The following MEIS1 variants were observed in gnomAD, a reference collection of about 807,000 sequenced individuals.
MEIS1 encodes homeobox protein Meis1.
In MEIS1, 5 loss-of-function variants were observed where a neutral mutation model predicts 50.8. That is an observed-to-expected ratio of 0.10 (90% confidence interval 0.05 to 0.21). The LOEUF (loss-of-function observed/expected upper bound fraction) is 0.21. Among genes scored for constraint, MEIS1 ranks in the 10% least tolerant of loss-of-function variants. MEIS1 has a pLI of 1.00. For missense variants in MEIS1, 318 were observed against 517.3 expected (o/e 0.61, Z 3.74); for synonymous variants, 176 against 179.3 (o/e 0.98, Z 0.15).
chr2:66,458,176 GA>G (rs1450957034), intron 6 of MEIS1, among the ~76,000 whole-genome samples: 1 of 152,034 alleles, frequency 6.6e-6, no homozygotes. Flanking sequence ...TTTTTGGTTC[GA>G]AAAAAATGAT....
At chr2:66,492,003 G>C (rs1673285211) in intron 7 of MEIS1, among the ~76,000 whole-genome samples, 1 of 151,292 alleles carries the variant, frequency 6.6e-6, no homozygotes, top group Non-Finnish European at 1.5e-5. Context: ...TCAATCACTG[G>C]TAGTACAGGG....
At chr2:66,473,397 A>ATATATATATATATATATATATAT (rs1553373465) in intron 7 of MEIS1, among the ~76,000 whole-genome samples, 1 of 107,614 alleles carries the variant, frequency 9.3e-6, no homozygotes, top group African/African-American at 5.8e-5. Context: ...AAAAAAAAAA[A>ATATATATATATATATATATATAT]ATATATATAT....
intron 7 of MEIS1, among the ~76,000 whole-genome samples, chr2:66,494,290 A>G (rs1179556690): frequency 6.6e-6 from 1 of 152,230 alleles, no homozygotes; most frequent in Non-Finnish European, 1.5e-5. Flanking sequence ...GTTTTCTTAT[A>G]ATGAATTCTG....
chr2:66,505,525 A>G (rs1673665989), intron 7 of MEIS1, among the ~76,000 whole-genome samples: 1 of 152,348 alleles, frequency 6.6e-6, no homozygotes, highest in East Asian at 1.9e-4. Context: ...TATATTTAGC[A>G]TCAGATATTT....
intron 6 of MEIS1, chr2:66,461,992 CAATT>C (rs1316019194): frequency 2.4e-6 from 1 of 417,360 alleles, no homozygotes; most frequent in South Asian, 1.9e-5. Flanking sequence ...ATTTACTAAA[CAATT>C]AAGCATTGAA....
At chr2:66,488,378 A>T (rs1213914129) in intron 7 of MEIS1, among the ~76,000 whole-genome samples, 2 of 152,170 alleles carry the variant, frequency 1.3e-5, no homozygotes, top group Non-Finnish European at 2.9e-5. Flanking sequence ...ATATGACTAC[A>T]TCAAATAAAC....
At chr2:66,557,019 T>A (rs1469801656) in intron 9 of MEIS1, among the ~76,000 whole-genome samples, 1 of 152,202 alleles carries the variant, frequency 6.6e-6, no homozygotes, top group Non-Finnish European at 1.5e-5. Context: ...GAATTAAATT[T>A]TGTTTTTAGT....
At chr2:66,548,773 A>G (rs1308987083) in intron 9 of MEIS1, among the ~76,000 whole-genome samples, 3 of 152,222 alleles carry the variant, frequency 2.0e-5, no homozygotes, top group Non-Finnish European at 4.4e-5. Flanking sequence ...GAAATCCAAT[A>G]TCCTCTAAAA....
rs149411668 is a variant in MEIS1, at chr2:66,567,719, A to G, written c.1024+208A>G. On this transcript the variant is annotated intron_variant, in intron 10 of 12. Transcript: ENST00000272369. ...TGGAGAAGGTGGAAAAAAAAAGCCA[A>G]CAGAGAAAAGTAACTCTTAAATAAT... 9.9e-4 allele frequency: 661 copies of G among 668,778 alleles called. 4 individuals are homozygous for G. The African/African-American group carries it at 0.01, about 10-fold the overall frequency. 41.4% of individuals were successfully genotyped at this position (668,778 alleles called of 1,614,324 possible).
intron 7 of MEIS1, among the ~76,000 whole-genome samples, chr2:66,483,037 G>T (rs570343722): frequency 2.4e-4 from 36 of 152,306 alleles, no homozygotes; most frequent in African/African-American, 7.9e-4. Context: ...TTATAGGACT[G>T]CTGAGAACAT....
At chr2:66,567,313 A>G (rs1416412224) in intron 9 of MEIS1, 140 bp from the exon 10 acceptor site, 3 of 837,386 alleles carry the variant, frequency 3.6e-6, no homozygotes, top group Non-Finnish European at 5.9e-6. Flanking sequence ...GAGGCTGCAC[A>G]TAGAGCAATG....
chr2:66,441,768 T>C (rs569448174), intron 5 of MEIS1: 2 of 349,240 alleles, frequency 5.7e-6, no homozygotes, highest in African/African-American at 4.4e-5. Context: ...GCTCTGAGGT[T>C]GTTTCACAAG....
intron 8 of MEIS1, among the ~76,000 whole-genome samples, chr2:66,546,394 C>T (rs1304123250): frequency 1.3e-5 from 2 of 152,140 alleles, no homozygotes; most frequent in Non-Finnish European, 2.9e-5. Flanking sequence ...GGTGACAGGC[C>T]TTGCAGGCCA....
intron 9 of MEIS1, among the ~76,000 whole-genome samples, chr2:66,557,975 G>A (rs1015626970): frequency 7.2e-5 from 11 of 152,116 alleles, no homozygotes; most frequent in Non-Finnish European, 1.5e-4. Context: ...AATTACGAGT[G>A]ATGTTCAAAG....
At chr2:66,507,566 T>G (rs1673712447) in intron 7 of MEIS1, among the ~76,000 whole-genome samples, 1 of 152,194 alleles carries the variant, frequency 6.6e-6, no homozygotes, top group African/African-American at 2.4e-5. Context: ...GAAGTTCTGA[T>G]CAGTTGTGAT....
intron 7 of MEIS1, among the ~76,000 whole-genome samples, chr2:66,477,784 A>G (rs1280065941): frequency 6.6e-6 from 1 of 152,178 alleles, no homozygotes. Context: ...ATGTGCTCCC[A>G]GTGGATTCTA....
intron 7 of MEIS1, among the ~76,000 whole-genome samples, chr2:66,504,911 C>T (rs936786559): frequency 1.3e-5 from 2 of 152,094 alleles, no homozygotes; most frequent in African/African-American, 4.8e-5. Context: ...TTGTTGTTTT[C>T]CTTTGATTAA....
intron 9 of MEIS1, among the ~76,000 whole-genome samples, chr2:66,555,292 C>T (rs1675031774): frequency 2.8e-5 from 1 of 35,642 alleles, no homozygotes. Context: ...TCTCTCTCCA[C>T]CCCCCAAACC....
At chr2:66,515,935 G>A (rs1673956284) in intron 8 of MEIS1, among the ~76,000 whole-genome samples, 1 of 152,144 alleles carries the variant, frequency 6.6e-6, no homozygotes, top group Non-Finnish European at 1.5e-5. Flanking sequence ...GTCATATCAA[G>A]GTTTCTTTTT....
Sources: gnomAD v4.1 joint callset for allele counts (sites outside exome capture counted in the v4.1 genomes callset) on GRCh38, gnomAD v4.1.1 for gene constraint, MANE v1.5 for transcripts, NCBI Gene and HGNC (gene_info 2026-07-23, HGNC 2026-07-21) for gene names.